Variants in NIPBL observed in about 807,000 individuals in gnomAD.
The protein encoded by NIPBL is NIPBL cohesin loading factor, also known as nipped-B-like protein.
Under a neutral mutation model 321.8 loss-of-function variants are expected in NIPBL, and 19 were observed. That is an observed-to-expected ratio of 0.06 (90% CI 0.04 to 0.09). The LOEUF is 0.09. NIPBL is among the 10% of genes least tolerant of loss of function. NIPBL has a pLI of 1.00. For missense variants in NIPBL, 2,210 were observed against 3,327.0 expected (o/e 0.66, Z 8.26); for synonymous variants, 1,106 against 1,114.1 (o/e 0.99, Z 0.14).
chr5:36,937,730 C>T (rs1314525258), intron 1 of NIPBL, among the ~76,000 whole-genome samples: 1 of 152,126 alleles, frequency 6.6e-6, no homozygotes. Context: ...ACTACTAATT[C>T]ACTTTTATTT....
chr5:37,063,859 A>G lies in NIPBL; in HGVS notation c.7930A>G (p.Asn2644Asp). 1 of 1,614,092 alleles carries G rather than the reference A, an allele frequency of 6.2e-7. No homozygotes were observed. The highest frequency in any genetic ancestry group is 8.5e-7 in the Non-Finnish European group (1 of 1,179,996). The stretch of plus-strand genomic sequence containing the variant: ...AGAAGGGGAGGTTTCAGCTAGCACA[A>G]ATGCTCGGAACAAAGCAATTACCTC... Reference protein sequence around the residue: ...EEEGEVSASTNARNKAITSLL... With the variant: ...EEEGEVSASTDARNKAITSLL... The change falls in exon 46 of 47, where the codon AAT becomes GAT. Residue 2644 changes from asparagine (N) to aspartate (D), a missense_variant. Physicochemically the swap from Asn to Asp is conservative, Grantham distance 23. Around this residue, in one of 14 missense-constraint regions of NIPBL, gnomAD observed 159 missense variants for 319.2 expected, o/e 0.50. Coordinates refer to ENST00000282516, the MANE Select transcript of NIPBL (RefSeq NM_133433.4).
intron 1 of NIPBL, among the ~76,000 whole-genome samples, chr5:36,930,234 C>T (rs1237042072): frequency 6.6e-6 from 1 of 152,056 alleles, no homozygotes; most frequent in Non-Finnish European, 1.5e-5. Context: ...CTTTTTGGCT[C>T]AGCAGTGTCT....
chr5:36,999,976 A>C (rs1746599889), intron 11 of NIPBL, among the ~76,000 whole-genome samples: 1 of 152,166 alleles, frequency 6.6e-6, no homozygotes, highest in Non-Finnish European at 1.5e-5. Context: ...TCAGTAATCT[A>C]AGTGCTTTAA....
intron 1 of NIPBL, among the ~76,000 whole-genome samples, chr5:36,941,739 AT>A (rs1739084889): frequency 2.6e-5 from 4 of 152,136 alleles, no homozygotes; most frequent in African/African-American, 7.2e-5. Flanking sequence ...GTGGAACTCT[AT>A]TATTAAATAA....
chr5:37,048,024 TCTG>T (rs759225037), intron 38 of NIPBL, among the ~76,000 whole-genome samples: 17 of 152,308 alleles, frequency 1.1e-4, no homozygotes, highest in Non-Finnish European at 2.1e-4. Flanking sequence ...TGTAGTACCT[TCTG>T]CTGGGGATCT....
chr5:36,891,617 C>T (rs1056552207), intron 1 of NIPBL, among the ~76,000 whole-genome samples: 46 of 152,136 alleles, frequency 3.0e-4, no homozygotes, highest in Non-Finnish European at 1.2e-4. Context: ...CCAAAAAGGT[C>T]TGAAGCTACA....
chr5:37,058,211 TA>T (rs1754302965), intron 43 of NIPBL, among the ~76,000 whole-genome samples: 1 of 152,232 alleles, frequency 6.6e-6, no homozygotes, highest in African/African-American at 2.4e-5. Flanking sequence ...CCACAGATGT[TA>T]ATGTGCACAT....
chr5:36,911,727 A>G (rs2149546476), intron 1 of NIPBL, among the ~76,000 whole-genome samples: 1 of 152,326 alleles, frequency 6.6e-6, no homozygotes, highest in South Asian at 2.1e-4. Context: ...TTGCTAGGCA[A>G]AAGTTAATGA....
chr5:36,961,919 T>A (rs1425410417), intron 5 of NIPBL, among the ~76,000 whole-genome samples: 1 of 152,196 alleles, frequency 6.6e-6, no homozygotes, highest in Non-Finnish European at 1.5e-5. Context: ...TACCTGTTTT[T>A]AAAAACTTTT....
chr5:37,055,857 A>G (rs965388018), intron 42 of NIPBL, among the ~76,000 whole-genome samples: 2 of 152,124 alleles, frequency 1.3e-5, no homozygotes, highest in Admixed American at 6.5e-5. Context: ...ATTAAAAAAT[A>G]AAAACTGGAC....
intron 38 of NIPBL, 93 bp downstream of exon 38, chr5:37,046,292 T>A: frequency 1.3e-6 from 1 of 772,402 alleles, no homozygotes; most frequent in Non-Finnish European, 2.3e-6. Context: ...TTTACTTTAA[T>A]ATGTTTCTAT....
chr5:36,952,017 A>ATTGTGTGT (rs1740350066), intron 1 of NIPBL, among the ~76,000 whole-genome samples: 1 of 62,110 alleles, frequency 1.6e-5, no homozygotes, highest in Admixed American at 1.5e-4. Flanking sequence ...ACTCTGTTAA[A>ATTGTGTGT]CTGTGTGTGT....
At chr5:36,949,140 C>T (rs1272041026) in intron 1 of NIPBL, among the ~76,000 whole-genome samples, 1 of 151,778 alleles carries the variant, frequency 6.6e-6, no homozygotes, top group Non-Finnish European at 1.5e-5. Context: ...TAATAATTAC[C>T]TACCTCATAT....
intron 1 of NIPBL, among the ~76,000 whole-genome samples, chr5:36,877,732 G>A (rs1362550376): frequency 6.6e-6 from 1 of 152,202 alleles, no homozygotes; most frequent in Non-Finnish European, 1.5e-5. Flanking sequence ...ACTCAGACGC[G>A]GATCCAGTGG....
intron 1 of NIPBL, among the ~76,000 whole-genome samples, chr5:36,910,888 C>A (rs556299559): frequency 6.6e-6 from 1 of 152,308 alleles, no homozygotes; most frequent in African/African-American, 2.4e-5. Flanking sequence ...TGGGAGAAGC[C>A]TGCTTAGTGA....
At chr5:37,009,943 A>G in intron 20 of NIPBL, 144 bp from the exon 21 acceptor site, 1 of 661,282 alleles carries the variant, frequency 1.5e-6, no homozygotes, top group Non-Finnish European at 2.7e-6. Context: ...CTTACAACAA[A>G]TAATTACACA....
intron 32 of NIPBL, among the ~76,000 whole-genome samples, chr5:37,032,980 T>G (rs939872123): frequency 3.3e-5 from 5 of 152,202 alleles, no homozygotes; most frequent in Admixed American, 6.5e-5. Flanking sequence ...TTAAAAAAAT[T>G]TTATGCACCT....
intron 22 of NIPBL, 73 bp downstream of exon 22, chr5:37,014,838 G>T (rs994083885): frequency 5.6e-6 from 5 of 898,268 alleles, no homozygotes; most frequent in African/African-American, 4.9e-5. Flanking sequence ...TTAAAAAGAT[G>T]AATCCAATTT....
chr5:36,991,025 A>T (rs1162321691), intron 10 of NIPBL, among the ~76,000 whole-genome samples: 1 of 152,074 alleles, frequency 6.6e-6, no homozygotes, highest in Admixed American at 6.5e-5. Flanking sequence ...ACCCTTCTTT[A>T]CAAGGGCCTG....
Sources: gnomAD v4.1 joint callset for allele counts (sites outside exome capture counted in the v4.1 genomes callset) on GRCh38, gnomAD v4.1.1 for gene constraint, gnomAD v4.1.1 regional missense constraint, MANE v1.5 for transcripts, NCBI Gene and HGNC (gene_info 2026-07-23, HGNC 2026-07-21) for gene names.